Variants in NDST1 observed in about 807,000 individuals in gnomAD.
NDST1 encodes N-deacetylase and N-sulfotransferase 1, also known as bifunctional heparan sulfate N-deacetylase/N-sulfotransferase 1.
A neutral mutation model predicts 92.8 loss-of-function variants in NDST1; 35 were observed. The observed-to-expected ratio is 0.38, with a 90% CI of 0.29 to 0.50. NDST1 has a LOEUF of 0.50. Ranked by LOEUF, NDST1 falls within the 20% of genes least tolerant of loss-of-function variation. NDST1 has a pLI of 0.94. For missense variants in NDST1, 822 were observed against 1,182.7 expected (o/e 0.69, Z 4.47); for synonymous variants, 493 against 500.3 (o/e 0.99, Z 0.19).
rs1554102256 is a variant in NDST1, at chr5:150,552,475, T to TTTCTG, written c.2529+622_2529+623insCTGTT. The TTTCTG allele has an allele frequency of 3.5e-4, 57 of 163,922 alleles. No homozygotes were observed. The South Asian group carries it at 5.5e-3, about 16-fold the overall frequency. 10.2% of individuals were successfully genotyped at this position (163,922 alleles called of 1,614,324 possible). ...TTCCTCCTTTTCCTACTTGCTTCTGTTTTTGTTTTGTTTTGTTTTGTTTTG... is the reference window on the plus strand; with the variant it reads ...TTCCTCCTTTTCCTACTTGCTTCTGTTTCTGTTTTGTTTTGTTTTGTTTTGTTTTG... On this transcript the variant is annotated intron_variant, in intron 14 of 14. Transcript: ENST00000261797.
At position 150,554,207 on chromosome 5, in the gene NDST1, C is replaced by G. The variant is rs1303678681; in HGVS notation, c.*875C>G. 2.5e-6 allele frequency: 1 copy of G among 398,502 alleles called. No individual in the cohort carries two copies. Among genetic ancestry groups the G allele is most frequent in the Non-Finnish European group, 4.4e-6 (1 of 225,922 alleles). 24.7% of individuals were successfully genotyped at this position (398,502 alleles called of 1,614,324 possible). A position where few individuals can be genotyped will look rare whatever the true frequency, so the allele number is the denominator to read the frequency against. Reference sequence around the variant, plus strand: ...TGCCAGCCACGGCTTTGCTTAGCCACCTGTGGCCGAGGGCTCTCAGAGACC... The same window carrying G: ...TGCCAGCCACGGCTTTGCTTAGCCAGCTGTGGCCGAGGGCTCTCAGAGACC... On this transcript the variant is annotated 3_prime_UTR_variant, in exon 15 of 15. Transcript: ENST00000261797.
intron 12 of NDST1, among the ~76,000 whole-genome samples, chr5:150,548,838 A>T (rs1233060260): frequency 6.6e-6 from 1 of 151,992 alleles, no homozygotes; most frequent in Non-Finnish European, 1.5e-5. Context: ...GCCTAAAAAG[A>T]CTGTAGACCT....
At chr5:150,541,700 A>G (rs369340085) in intron 9 of NDST1, 34 bp downstream of exon 9, 44 of 1,587,530 alleles carry the variant, frequency 2.8e-5, no homozygotes, top group Middle Eastern at 3.3e-4. Context: ...AGCTTCCCCA[A>G]CTGCCTGCTG....
intron 2 of NDST1, among the ~76,000 whole-genome samples, chr5:150,525,726 C>G (rs796593045): frequency 6.6e-6 from 1 of 152,156 alleles, no homozygotes; most frequent in African/African-American, 2.4e-5. Flanking sequence ...AGCTCTGCAA[C>G]GGGCACAGGC....
chr5:150,541,486 G>A, intron 8 of NDST1, 84 bp from the exon 9 acceptor site: 1 of 1,221,792 alleles, frequency 8.2e-7, no homozygotes, highest in South Asian at 1.2e-5. Context: ...CCATTGGGCT[G>A]TAAGGGCCAC....
At chr5:150,539,668 A>G (rs1489940362) in intron 7 of NDST1, 1 of 985,250 alleles carries the variant, frequency 1.0e-6, no homozygotes, top group African/African-American at 1.7e-5. Context: ...ACATATATGA[A>G]CAACATTTGA....
chr5:150,545,192 C>T, intron 10 of NDST1, 120 bp from the exon 11 acceptor site: 2 of 1,205,092 alleles, frequency 1.7e-6, no homozygotes. Flanking sequence ...TGGTTGGGAG[C>T]AAAGCTTCCC....
At chr5:150,546,393 T>C (rs1489423336) in intron 11 of NDST1, among the ~76,000 whole-genome samples, 1 of 152,158 alleles carries the variant, frequency 6.6e-6, no homozygotes, top group East Asian at 1.9e-4. Context: ...CCTGGTGGGG[T>C]AGGCGGAGTC....
intron 12 of NDST1, among the ~76,000 whole-genome samples, chr5:150,549,379 G>A (rs146466931): frequency 5.8e-4 from 88 of 152,302 alleles, no homozygotes; most frequent in African/African-American, 2.0e-3. Flanking sequence ...GACATGGACT[G>A]GAAGCTCAGA....
intron 3 of NDST1, among the ~76,000 whole-genome samples, chr5:150,531,922 G>A (rs1183981019): frequency 3.9e-5 from 6 of 152,342 alleles, no homozygotes; most frequent in East Asian, 1.9e-4. Flanking sequence ...TGCACGGTGC[G>A]CGGGAAGACC....
chr5:150,538,626 C>T (rs1246867451), intron 6 of NDST1, among the ~76,000 whole-genome samples: 1 of 152,204 alleles, frequency 6.6e-6, no homozygotes, highest in African/African-American at 2.4e-5. Context: ...ATCAGTTGAG[C>T]TGGGGCAGCA....
chr5:150,539,602 G>A, intron 7 of NDST1: 1 of 1,389,310 alleles, frequency 7.2e-7, no homozygotes, highest in Non-Finnish European at 9.3e-7. Context: ...GCATTTTTAT[G>A]CATGTTCCCT....
At chr5:150,502,224 G>T (rs2151236039) in intron 1 of NDST1, among the ~76,000 whole-genome samples, 1 of 152,266 alleles carries the variant, frequency 6.6e-6, no homozygotes, top group East Asian at 1.9e-4. Context: ...GGAGGCTGCT[G>T]CAGTCTTGCC....
chr5:150,553,913 G>T lies in NDST1; in HGVS notation c.*581G>T. 1 of 423,416 alleles carries T rather than the reference G, an allele frequency of 2.4e-6. No homozygotes were observed. Among genetic ancestry groups the T allele is most frequent in the Non-Finnish European group, 4.2e-6 (1 of 239,816 alleles). The allele number at this position is 423,416 out of a possible 1,614,324, so 26.2% of individuals were successfully genotyped here. A position where few individuals can be genotyped will look rare whatever the true frequency, so the allele number is the denominator to read the frequency against. On this transcript the variant is annotated 3_prime_UTR_variant, in exon 15 of 15. Transcript: ENST00000261797. This position sits in a 1 kb window ranked among gnomAD's most constrained non-coding sequence, Gnocchi z 4.2. ...TCCTACCTTCACATCTCACCCTCCCGTTCTGGGGAAGAATTTCTGGTTCCT... is the reference window on the plus strand; with the variant it reads ...TCCTACCTTCACATCTCACCCTCCCTTTCTGGGGAAGAATTTCTGGTTCCT...
At chr5:150,548,506 C>T (rs571589136) in intron 12 of NDST1, 118 bp downstream of exon 12, 573 of 1,110,644 alleles carry the variant, frequency 5.2e-4, no homozygotes, top group Non-Finnish European at 2.0e-4. Context: ...CCTTGGAGAG[C>T]TAGACCCTTG....
intron 2 of NDST1, among the ~76,000 whole-genome samples, chr5:150,523,947 G>A (rs1011933467): frequency 2.0e-5 from 3 of 152,154 alleles, no homozygotes; most frequent in African/African-American, 7.2e-5. Context: ...GCCCTCTGGT[G>A]GTCAAGGCAC....
At position 150,556,918 on chromosome 5, in the gene NDST1, C is replaced by CT. The variant is rs1221316998; in HGVS notation, c.*3589dup. The CT allele has an allele frequency of 2.6e-5, 4 of 152,642 alleles. No homozygotes were observed. The highest frequency in any genetic ancestry group is 6.5e-5 in the Admixed American group (1 of 15,278). The allele number at this position is 152,642 out of a possible 1,614,324, so 9.5% of individuals were successfully genotyped here. A position where few individuals can be genotyped will look rare whatever the true frequency, so the allele number is the denominator to read the frequency against. ...TGCTGAAAGGTCTTCCCTCAGCTCA[C>CT]TTTGAGTTTTTAAATGACATTGTTT... On this transcript the variant is annotated 3_prime_UTR_variant, in exon 15 of 15. Coordinates refer to ENST00000261797, the MANE Select transcript of NDST1 (RefSeq NM_001543.5).
In NDST1 at chr5:150,520,849, T is replaced by C. The variant is rs997478970; in HGVS notation, c.-387-19T>C. 2 of 426,496 alleles carry C rather than the reference T, an allele frequency of 4.7e-6. No homozygotes were observed. Among genetic ancestry groups the C allele is most frequent in the Non-Finnish European group, 8.3e-6 (2 of 242,004 alleles). The allele number at this position is 426,496 out of a possible 1,614,324, so 26.4% of individuals were successfully genotyped here. ...TGAAGCCCGCACTCTGACGCTCCTGTTCTCTCCACTCTCCACAGCCTTAGC... is the reference window on the plus strand; with the variant it reads ...TGAAGCCCGCACTCTGACGCTCCTGCTCTCTCCACTCTCCACAGCCTTAGC... On this transcript the variant is annotated intron_variant, in intron 1 of 14. Transcript: ENST00000261797.
rs1341584363 is a variant in NDST1, at chr5:150,554,323, G to T, written c.*991G>T. 4 of 233,260 alleles carry T rather than the reference G, an allele frequency of 1.7e-5. No homozygotes were observed. Among genetic ancestry groups the T allele is most frequent in the African/African-American group, 2.6e-5 (1 of 38,546 alleles). 14.4% of individuals were successfully genotyped at this position (233,260 alleles called of 1,614,324 possible). The stretch of plus-strand genomic sequence containing the variant: ...CCAGAGTTTATACCCTGGGTGCTGG[G>T]GTCGCACTGTGTTATATATATATAT... On this transcript the variant is annotated 3_prime_UTR_variant, in exon 15 of 15. Transcript: ENST00000261797.
Sources: allele counts gnomAD v4.1 joint callset (sites outside exome capture counted in the v4.1 genomes callset), GRCh38; gene constraint gnomAD v4.1.1; non-coding constraint Gnocchi (gnomAD v3.1); transcripts MANE v1.5; gene names NCBI Gene and HGNC (gene_info 2026-07-23, HGNC 2026-07-21).